Variants in MIER1 observed in about 807,000 individuals in gnomAD.
MIER1 encodes the protein mesoderm induction early response protein 1.
MIER1 carries 40 observed loss-of-function variants against 75.7 expected under a neutral mutation model. That is an observed-to-expected ratio of 0.53 (90% CI 0.41 to 0.69). The LOEUF (loss-of-function observed/expected upper bound fraction) is 0.69, where lower values mean the gene tolerates loss of function less well. MIER1 is among the 30% of genes least tolerant of loss of function. The probability of loss-of-function intolerance (pLI) is 0.00; values close to 1 mark genes in which losing one functional copy is unlikely to be tolerated. For synonymous variants in MIER1, 213 were observed against 223.4 expected, an observed-to-expected ratio of 0.95 and a Z score of 0.42; for missense variants, 574 against 680.2, an observed-to-expected ratio of 0.84 and a Z score of 1.74.
intron 3 of MIER1, among the ~76,000 whole-genome samples, chr1:66,942,666 T>G (rs1312138228): frequency 6.6e-6 from 1 of 152,040 alleles, no homozygotes; most frequent in African/African-American, 2.4e-5. Flanking sequence ...GGTTAGTTTG[T>G]TCTAAGGAAC....
At chr1:66,964,751 C>T (rs912555159) in intron 8 of MIER1, among the ~76,000 whole-genome samples, 1 of 152,124 alleles carries the variant, frequency 6.6e-6, no homozygotes, top group African/African-American at 2.4e-5. Context: ...TGCACCTGGC[C>T]GTATGTGTGC....
chr1:66,964,930 C>G (rs535526184), intron 8 of MIER1, among the ~76,000 whole-genome samples: 2 of 152,180 alleles, frequency 1.3e-5, no homozygotes, highest in African/African-American at 4.8e-5. Context: ...CAAAAACTTA[C>G]TTTATATTCT....
intron 12 of MIER1, among the ~76,000 whole-genome samples, chr1:66,979,108 A>G (rs1242178354): frequency 6.7e-6 from 1 of 149,914 alleles, no homozygotes; most frequent in African/African-American, 2.5e-5. Context: ...TTTTTTTTTT[A>G]TAAAGTTTAT....
intron 4 of MIER1, among the ~76,000 whole-genome samples, chr1:66,951,029 C>CTT (rs1658813554): frequency 6.6e-6 from 1 of 152,184 alleles, no homozygotes; most frequent in Non-Finnish European, 1.5e-5. Flanking sequence ...AATGACTAAC[C>CTT]TCCTGATGTG....
At position 66,963,776 on chromosome 1, in the gene MIER1, C is replaced by T. The variant is rs191739056; in HGVS notation, c.772+616C>T. On this transcript the variant is annotated intron_variant, in intron 8 of 13. Transcript: ENST00000401041. ...TACAAAAATTAGCCTGGCGTCGTGG[C>T]GCGCACCTGTAATCCCAGCTACTCA... is the stretch of plus-strand genomic sequence containing the variant. Among the ~76,000 whole-genome samples, 117 of 152,028 alleles carry T rather than the reference C, an allele frequency of 7.7e-4. 1 individual carries two copies. In the East Asian group the frequency reaches 0.012, roughly 15 times the overall value.
intron 4 of MIER1, among the ~76,000 whole-genome samples, chr1:66,948,489 G>A (rs1337777547): frequency 6.6e-6 from 1 of 152,126 alleles, no homozygotes; most frequent in African/African-American, 2.4e-5. Flanking sequence ...GCTGGCTTTG[G>A]GATTAGATCA....
chr1:66,930,320 G>T (rs1487006537), intron 2 of MIER1: 3 of 1,591,068 alleles, frequency 1.9e-6, no homozygotes, highest in Non-Finnish European at 2.6e-6. Flanking sequence ...CCGTTGCTGA[G>T]TCTCACATCC....
intron 3 of MIER1, among the ~76,000 whole-genome samples, chr1:66,942,137 T>A (rs778676155): frequency 1.4e-4 from 21 of 152,236 alleles, no homozygotes; most frequent in Non-Finnish European, 2.8e-4. Flanking sequence ...ATTGTTCTTA[T>A]AAATAATGTT....
At chr1:66,971,393 T>G (rs1663582936) in intron 9 of MIER1, among the ~76,000 whole-genome samples, 1 of 152,106 alleles carries the variant, frequency 6.6e-6, no homozygotes. Context: ...TTCATTGATA[T>G]AAAATGAATT....
chr1:66,930,513 C>T (rs565347408), intron 2 of MIER1: 7 of 1,136,248 alleles, frequency 6.2e-6, no homozygotes, highest in African/African-American at 4.9e-5. Flanking sequence ...GGCGCCGCTG[C>T]CCACCTGTTG....
At chr1:66,951,619 C>T (rs190119999) in intron 4 of MIER1, among the ~76,000 whole-genome samples, 11 of 151,700 alleles carry the variant, frequency 7.3e-5, no homozygotes, top group African/African-American at 2.7e-4. Context: ...CTCGTTCTGT[C>T]GCTCTGGCTG....
In MIER1 at chr1:66,986,680, C is replaced by T. The variant is rs1666826048; in HGVS notation, c.*1780C>T. On this transcript the variant is annotated 3_prime_UTR_variant, in exon 14 of 14. Coordinates refer to ENST00000401041, the MANE Select transcript of MIER1 (RefSeq NM_001077700.3). ...CAACACTTGACTTCATCTTAATGTA[C>T]ATTCACTGTTGTTACATACATATCT... 1 of 499,732 alleles carries T rather than the reference C, an allele frequency of 2.0e-6. No individual in the cohort carries two copies. The highest frequency in any genetic ancestry group is 2.0e-5 in the African/African-American group (1 of 51,274). 31.0% of individuals were successfully genotyped at this position (499,732 alleles called of 1,614,324 possible).
chr1:66,975,475 G>A (rs145423615), intron 11 of MIER1, among the ~76,000 whole-genome samples: 10 of 151,898 alleles, frequency 6.6e-5, no homozygotes, highest in Non-Finnish European at 8.8e-5. Context: ...TGCAGTTAGC[G>A]GTTTGGTGCC....
At position 66,987,586 on chromosome 1, in the gene MIER1, T is replaced by C. The variant is rs926813952; in HGVS notation, c.*2686T>C. ...AGATGTTAAATTTATGCATAGTAAT[T>C]TTGCACTGTAAAATAATTCCCTTCT... is the stretch of plus-strand genomic sequence containing the variant. On this transcript the variant is annotated 3_prime_UTR_variant, in exon 14 of 14. Coordinates refer to ENST00000401041, the MANE Select transcript of MIER1 (RefSeq NM_001077700.3). 1.3e-5 allele frequency: 2 copies of C among 152,610 alleles called. No individual in the cohort carries two copies. Among genetic ancestry groups the C allele is most frequent in the African/African-American group, 4.8e-5 (2 of 41,456 alleles). 9.5% of individuals were successfully genotyped at this position (152,610 alleles called of 1,614,324 possible).
intron 4 of MIER1, chr1:66,948,048 T>C: frequency 1.0e-6 from 1 of 974,234 alleles, no homozygotes; most frequent in South Asian, 4.8e-5. Context: ...ATGCTTTCTT[T>C]AGTGTTAGGA....
chr1:66,938,151 T>G (rs1296336946), intron 2 of MIER1, among the ~76,000 whole-genome samples: 2 of 152,202 alleles, frequency 1.3e-5, no homozygotes, highest in Non-Finnish European at 2.9e-5. Flanking sequence ...TTTTCAGAAC[T>G]TTAACTATTT....
chr1:66,964,448 C>CTTTTTTTTTTT (rs71058483), intron 8 of MIER1, among the ~76,000 whole-genome samples: 4 of 119,800 alleles, frequency 3.3e-5, no homozygotes, highest in African/African-American at 1.3e-4. Flanking sequence ...TGTATGTTTC[C>CTTTTTTTTTTT]TTTTTTTTTT....
intron 4 of MIER1, among the ~76,000 whole-genome samples, chr1:66,956,571 T>C (rs1295303473): frequency 6.6e-6 from 1 of 152,214 alleles, no homozygotes; most frequent in African/African-American, 2.4e-5. Context: ...CTTGAACACT[T>C]AAAGCACTGT....
At position 66,985,837 on chromosome 1, in the gene MIER1, T is replaced by A. The variant is rs990510511; in HGVS notation, c.*937T>A. On this transcript the variant is annotated 3_prime_UTR_variant, in exon 14 of 14. Transcript: ENST00000401041. ...AAATTTTTTTTTTTTTTTTTTTTTTTAAATTTCTACTTAAGGGCAAGTAAT... is the reference window on the plus strand; with the variant it reads ...AAATTTTTTTTTTTTTTTTTTTTTTAAAATTTCTACTTAAGGGCAAGTAAT... The A allele has an allele frequency of 3.1e-4, 195 of 630,314 alleles. No homozygotes were observed. The highest frequency in any genetic ancestry group is 4.7e-4 in the African/African-American group (18 of 38,664). 39.0% of individuals were successfully genotyped at this position (630,314 alleles called of 1,614,324 possible). A position where few individuals can be genotyped will look rare whatever the true frequency, so the allele number is the denominator to read the frequency against.
Sources: allele counts gnomAD v4.1 joint callset (sites outside exome capture counted in the v4.1 genomes callset), GRCh38; gene constraint gnomAD v4.1.1; transcripts MANE v1.5; gene names NCBI Gene and HGNC (gene_info 2026-07-23, HGNC 2026-07-21).